The following SELENBP1 variants were observed in gnomAD, a reference collection of about 807,000 sequenced individuals.
SELENBP1 encodes the protein methanethiol oxidase.
In SELENBP1, 71 loss-of-function variants were observed where a neutral mutation model predicts 61.0. That is an observed-to-expected ratio of 1.16 (90% CI 0.96 to 1.42). The LOEUF (loss-of-function observed/expected upper bound fraction) is 1.42, where lower values mean the gene tolerates loss of function less well. Among genes scored for constraint, SELENBP1 ranks in the 40% most tolerant of loss-of-function variants. The pLI is 0.00. For missense variants in SELENBP1, 561 were observed against 605.0 expected (o/e 0.93, Z 0.76); for synonymous variants, 270 against 238.9 (o/e 1.13, Z -1.20).
rs764207061 is a variant in SELENBP1, at chr1:151,365,599, G to A, written c.1008C>T (p.Asp336=). The A allele has an allele frequency of 2.5e-6, 4 of 1,614,042 alleles. No individual in the cohort carries two copies. The highest frequency in any genetic ancestry group is 3.4e-6 in the Non-Finnish European group (4 of 1,180,036). The change falls in exon 9 of 12, where the codon GAC becomes GAT. Residue 336 remains aspartate, a synonymous_variant. Transcript: ENST00000368868. The part of the protein sequence containing the change: ...NWLHGDLRQY[D]ISDPQRPRLT... ...GGCGGGGTCTCTGTGGGTCAGAGAT[G>A]TCATACTGCCTCAGGTCCCCATGCA...
chr1:151,371,400 G>GAAAT (rs1652132109), intron 1 of SELENBP1, among the ~76,000 whole-genome samples: 1 of 150,042 alleles, frequency 6.7e-6, no homozygotes. Context: ...CAACAAGAGT[G>GAAAT]AAATTCTGAC....
At chr1:151,370,143 T>A in intron 1 of SELENBP1, 1 of 559,500 alleles carries the variant, frequency 1.8e-6, no homozygotes, top group Non-Finnish European at 3.0e-6. Flanking sequence ...CTCCTCGACC[T>A]CAATTTCTGC....
At chr1:151,369,265 ATT>A in intron 3 of SELENBP1, 76 bp from the exon 4 acceptor site, 1 of 1,553,396 alleles carries the variant, frequency 6.4e-7, no homozygotes, top group African/African-American at 1.4e-5. Context: ...CTGTGGACTC[ATT>A]TTGGTTTGGA....
chr1:151,367,679 G>T (rs996776565), intron 5 of SELENBP1, among the ~76,000 whole-genome samples: 2 of 152,208 alleles, frequency 1.3e-5, no homozygotes, highest in Non-Finnish European at 2.9e-5. Context: ...CTGAAGTGCT[G>T]TGGTTCAATC....
At chr1:151,365,436 C>A in intron 9 of SELENBP1, 127 bp downstream of exon 9, 1 of 1,526,332 alleles carries the variant, frequency 6.6e-7, no homozygotes. Context: ...TGCTGTCCCA[C>A]AGCACACATG....
chr1:151,364,982 G>A lies in SELENBP1; in HGVS notation c.1200C>T (p.Tyr400=), dbSNP rs2102089658. 1 of 1,613,690 alleles carries A rather than the reference G, an allele frequency of 6.2e-7. No individual in the cohort carries two copies. The highest frequency in any genetic ancestry group is 8.5e-7 in the Non-Finnish European group (1 of 1,179,890). Residue 400 remains tyrosine, a synonymous_variant, in exon 11 of 12, where the codon TAC becomes TAT. Coordinates refer to ENST00000368868, the MANE Select transcript of SELENBP1 (RefSeq NM_003944.4). The part of the protein sequence containing the change: ...IQLSLDGKRL[Y]ITTSLYSAWD... ...AGGCACTGTACAGCGACGTGGTGATGTAGAGGCGCTTCCCATCCAGGCTGA... is the reference window on the plus strand; with the variant it reads ...AGGCACTGTACAGCGACGTGGTGATATAGAGGCGCTTCCCATCCAGGCTGA...
intron 5 of SELENBP1, 51 bp from the exon 6 acceptor site, chr1:151,366,955 C>A (rs774782695): frequency 6.3e-7 from 1 of 1,590,390 alleles, no homozygotes. Flanking sequence ...GAGACACTAA[C>A]CCCACCCTCC....
chr1:151,366,734 C>T lies in SELENBP1; in HGVS notation c.652G>A (p.Asp218Asn). Residue 218 changes from aspartate to asparagine, a missense_variant, in exon 6 of 12, where the codon GAT (aspartate) becomes AAT (asparagine). Transcript: ENST00000368868. ...GGGGGATTCTCACCAGCCTCCACAT[C>T]AGCGGGGTTGAAGCCATCTCGTAAG... ...NVLRDGFNPA[D>N]VEAGLYGSHL... 2 of 1,613,988 alleles carry T rather than the reference C, an allele frequency of 1.2e-6. No homozygotes were observed. The highest frequency in any genetic ancestry group is 2.2e-5 in the South Asian group (2 of 91,076).
At chr1:151,367,026 G>A in intron 5 of SELENBP1, 122 bp from the exon 6 acceptor site, 1 of 1,484,180 alleles carries the variant, frequency 6.7e-7, no homozygotes, top group South Asian at 1.4e-5. Context: ...CTCCACTGCT[G>A]GATTTGCCAG....
At chr1:151,365,510 G>C in intron 9 of SELENBP1, 53 bp downstream of exon 9, 2 of 1,610,336 alleles carry the variant, frequency 1.2e-6, no homozygotes, top group Non-Finnish European at 1.7e-6. Context: ...CCCATCCCCA[G>C]CTTCTCTTCT....
In SELENBP1 at chr1:151,369,481, G is replaced by C; in HGVS notation, c.135C>G (p.Ala45=). ...GAGACTTGGGGTCAACATCCACAGTGGCCAGATAATCTGGGGCCTCAGTGC... is the reference window on the plus strand; with the variant it reads ...GAGACTTGGGGTCAACATCCACAGTCGCCAGATAATCTGGGGCCTCAGTGC... ...NTGTEAPDYL[A]TVDVDPKSPQ... is the part of the protein sequence containing the mutation. The change falls in exon 3 of 12, where the codon GCC becomes GCG. Residue 45 remains alanine (A), a synonymous_variant. Transcript: ENST00000368868. 1 of 1,613,150 alleles carries C rather than the reference G, an allele frequency of 6.2e-7. No individual in the cohort carries two copies. The highest frequency in any genetic ancestry group is 8.5e-7 in the Non-Finnish European group (1 of 1,179,674).
intron 7 of SELENBP1, chr1:151,366,074 A>G: frequency 1.3e-6 from 1 of 754,814 alleles, no homozygotes; most frequent in South Asian, 1.8e-5. Flanking sequence ...GACATTCACT[A>G]AGTAGTTTTT....
chr1:151,371,466 A>C (rs987230046), intron 1 of SELENBP1, among the ~76,000 whole-genome samples: 5 of 151,230 alleles, frequency 3.3e-5, no homozygotes, highest in Non-Finnish European at 5.9e-5. Flanking sequence ...GCTGTGCCAG[A>C]GGAGAGGAGA....
In SELENBP1 at chr1:151,368,329, G is replaced by A. The variant is rs1328420405; in HGVS notation, c.361-10C>T. 1 of 1,613,730 alleles carries A rather than the reference G, an allele frequency of 6.2e-7. No homozygotes were observed. The highest frequency in any genetic ancestry group is 1.3e-5 in the African/African-American group (1 of 74,926). On this transcript the variant is annotated splice_polypyrimidine_tract_variant and intron_variant, in intron 4 of 11. Coordinates refer to ENST00000368868, the MANE Select transcript of SELENBP1 (RefSeq NM_003944.4). ...CCTTGGGCTCAATGACCTGGAAGGG[G>A]TGGGGAATGGTGTCAGAATCATACA...
chr1:151,371,496 G>T (rs1362319801), intron 1 of SELENBP1, among the ~76,000 whole-genome samples: 2 of 152,000 alleles, frequency 1.3e-5, no homozygotes, highest in African/African-American at 2.4e-5. Flanking sequence ...AGTGCTCGAT[G>T]CCCAGCGAGA....
At position 151,369,174 on chromosome 1, in the gene SELENBP1, G is replaced by A. The variant is rs747867785; in HGVS notation, c.190C>T (p.Pro64Ser). The change falls in exon 4 of 12, where the codon CCC becomes TCC. Residue 64 changes from proline (P) to serine (S), a missense_variant. Pro to Ser is a moderately conservative substitution (Grantham distance 74). Coordinates refer to ENST00000368868, the MANE Select transcript of SELENBP1 (RefSeq NM_003944.4). ...PQYCQVIHRL[P>S]MPNLKDELHH... is the part of the protein sequence containing the mutation. ...AGCTCGTCCTTCAGGTTGGGCATGG[G>A]CAGCCGGTGGATGACCTAGGATGCG... The A allele has an allele frequency of 5.0e-6, 8 of 1,611,422 alleles. No individual in the cohort carries two copies. Among genetic ancestry groups the A allele is most frequent in the South Asian group, 4.4e-5 (4 of 90,996 alleles).
intron 3 of SELENBP1, 53 bp downstream of exon 3, chr1:151,369,389 G>T: frequency 6.5e-7 from 1 of 1,535,740 alleles, no homozygotes; most frequent in East Asian, 2.3e-5. Context: ...CCCAGGGCCA[G>T]GGATGAGGGC....
At position 151,368,178 on chromosome 1, in the gene SELENBP1, GCA is replaced by G. The variant is rs780328331; in HGVS notation, c.481+19_481+20del. The G allele has an allele frequency of 8.7e-6, 14 of 1,606,700 alleles. No homozygotes were observed. In the South Asian group the frequency reaches 1.4e-4, roughly 16 times the overall value. On this transcript the variant is annotated intron_variant, in intron 5 of 11. Transcript: ENST00000368868. ...TTCACAGCTGTGGAAGTTTTCATGA[GCA>G]CACAGTGCTGGCAGGTACCTTTGCC... is the stretch of plus-strand genomic sequence containing the variant.
intron 1 of SELENBP1, chr1:151,369,976 G>T: frequency 6.8e-7 from 1 of 1,474,378 alleles, no homozygotes; most frequent in South Asian, 1.4e-5. Context: ...GGAGACACAT[G>T]ACCTGAAGGT....
Sources: allele counts gnomAD v4.1 joint callset (sites outside exome capture counted in the v4.1 genomes callset), GRCh38; gene constraint gnomAD v4.1.1; transcripts MANE v1.5; gene names NCBI Gene and HGNC (gene_info 2026-07-23, HGNC 2026-07-21).